Variants in CDH1 observed in about 807,000 individuals in gnomAD.
The protein encoded by CDH1 is cadherin-1.
In CDH1, 35 loss-of-function variants were observed where a neutral mutation model predicts 84.5. That is an observed-to-expected ratio of 0.41 (90% CI 0.32 to 0.55). The LOEUF is 0.55. Ranked by LOEUF, CDH1 falls within the 20% of genes least tolerant of loss-of-function variation. CDH1 has a pLI of 0.19. For missense variants in CDH1, 994 were observed against 1,126.6 expected, an observed-to-expected ratio of 0.88 and a Z score of 1.68; for synonymous variants, 417 against 439.0, an observed-to-expected ratio of 0.95 and a Z score of 0.63.
chr16:68,808,143 T>C (rs1960715992), intron 3 of CDH1, among the ~76,000 whole-genome samples: 2 of 152,144 alleles, frequency 1.3e-5, no homozygotes, highest in Non-Finnish European at 2.9e-5. Flanking sequence ...CTGAAACCAA[T>C]ACTTGTGTAT....
At chr16:68,813,663 T>A in intron 9 of CDH1, 168 bp downstream of exon 9, 1 of 775,916 alleles carries the variant, frequency 1.3e-6, no homozygotes, top group Non-Finnish European at 2.3e-6. Context: ...CCTGCTCATG[T>A]AAGAAATCAA....
Position 68,834,300 on chromosome 16 carries a change from C to T in CDH1, c.*801C>T, listed in dbSNP as rs1351136544. On this transcript the variant is annotated 3_prime_UTR_variant, in exon 16 of 16. Transcript: ENST00000261769. ...TTTTTAAGAGACAGTTTCGCTCCAT[C>T]GCCCAGGCCTGGGATGCAGTGATGT... The T allele has an allele frequency of 2.9e-5, 15 of 510,810 alleles. No individual in the cohort carries two copies. Among genetic ancestry groups the T allele is most frequent in the East Asian group, 8.7e-5 (2 of 23,108 alleles). The allele number at this position is 510,810 out of a possible 1,614,324, so 31.6% of individuals were successfully genotyped here.
chr16:68,748,219 T>C (rs1001195939), intron 2 of CDH1, among the ~76,000 whole-genome samples: 2 of 151,756 alleles, frequency 1.3e-5, no homozygotes, highest in Non-Finnish European at 2.9e-5. Context: ...TTCAAGTGAT[T>C]ATCCTGCTTC....
chr16:68,833,551 C>A lies in CDH1; in HGVS notation c.*52C>A. 6.8e-7 allele frequency: 1 copy of A among 1,470,452 alleles called. No individual in the cohort carries two copies. Among genetic ancestry groups the A allele is most frequent in the Non-Finnish European group, 9.5e-7 (1 of 1,051,176 alleles). 91.1% of individuals were successfully genotyped at this position (1,470,452 alleles called of 1,614,324 possible). A position where few individuals can be genotyped will look rare whatever the true frequency, so the allele number is the denominator to read the frequency against. ...CCCATGTGCTGGGAAATGCAGAAATCACGTTGCTGGTGGTTTTTCAGCTCC... is the reference window on the plus strand; with the variant it reads ...CCCATGTGCTGGGAAATGCAGAAATAACGTTGCTGGTGGTTTTTCAGCTCC... On this transcript the variant is annotated 3_prime_UTR_variant, in exon 16 of 16. Coordinates refer to ENST00000261769, the MANE Select transcript of CDH1 (RefSeq NM_004360.5).
intron 5 of CDH1, 117 bp downstream of exon 5, chr16:68,808,965 C>T (rs1370625945): frequency 2.2e-6 from 2 of 908,912 alleles, no homozygotes; most frequent in Non-Finnish European, 3.5e-6. Context: ...CTTAACTTGA[C>T]ACCTCTTGAC....
intron 3 of CDH1, among the ~76,000 whole-genome samples, chr16:68,807,421 G>A (rs1960694432): frequency 1.3e-5 from 2 of 152,202 alleles, no homozygotes; most frequent in Admixed American, 1.3e-4. Flanking sequence ...TGTAATCCCA[G>A]CAAATTGGGA....
In CDH1 at chr16:68,833,617, G is replaced by C; in HGVS notation, c.*118G>C. Reference sequence around the variant, plus strand: ...GTTTCTGGGGAAAAAAAAGAGACTGGTTAGTGATGCAGTTAGTATAGCTTT... The same window carrying C: ...GTTTCTGGGGAAAAAAAAGAGACTGCTTAGTGATGCAGTTAGTATAGCTTT... On this transcript the variant is annotated 3_prime_UTR_variant, in exon 16 of 16. Coordinates refer to ENST00000261769, the MANE Select transcript of CDH1 (RefSeq NM_004360.5). 1 of 773,886 alleles carries C rather than the reference G, an allele frequency of 1.3e-6. No homozygotes were observed. Among genetic ancestry groups the C allele is most frequent in the Non-Finnish European group, 2.3e-6 (1 of 437,726 alleles). 47.9% of individuals were successfully genotyped at this position (773,886 alleles called of 1,614,324 possible). A position where few individuals can be genotyped will look rare whatever the true frequency, so the allele number is the denominator to read the frequency against.
intron 13 of CDH1, among the ~76,000 whole-genome samples, 174 bp from the exon 14 acceptor site, chr16:68,828,000 C>T (rs1961364835): frequency 6.6e-6 from 1 of 152,148 alleles, no homozygotes; most frequent in Non-Finnish European, 1.5e-5. Flanking sequence ...CTGTACATAC[C>T]GACTTCAGGG....
chr16:68,778,708 G>T (rs993855782), intron 2 of CDH1, among the ~76,000 whole-genome samples: 1 of 152,088 alleles, frequency 6.6e-6, no homozygotes, highest in Admixed American at 6.6e-5. Flanking sequence ...GGCTTAAAAG[G>T]GTGTTTAAAA....
At chr16:68,790,127 T>C (rs769412423) in intron 2 of CDH1, among the ~76,000 whole-genome samples, 1 of 152,144 alleles carries the variant, frequency 6.6e-6, no homozygotes, top group Admixed American at 6.6e-5. Flanking sequence ...ATGGAAATGA[T>C]GTTAGGAGGC....
intron 2 of CDH1, among the ~76,000 whole-genome samples, chr16:68,796,774 A>G (rs890558530): frequency 3.3e-5 from 5 of 151,946 alleles, no homozygotes; most frequent in Non-Finnish European, 5.9e-5. Flanking sequence ...GAAAAAAAAA[A>G]GAATTCATTC....
rs1461392751 is a variant in CDH1, at chr16:68,828,332, G to A, written c.2295+28G>A. 2.5e-6 allele frequency: 4 copies of A among 1,612,546 alleles called. No individual in the cohort carries two copies. In the African/African-American group the frequency reaches 5.3e-5, roughly 22 times the overall value. ...GGGTTTTGAAAACCTTGGTAGCTCAGTGGTGATCTCTTTATTCGGAAGAAG... is the reference window on the plus strand; with the variant it reads ...GGGTTTTGAAAACCTTGGTAGCTCAATGGTGATCTCTTTATTCGGAAGAAG... On this transcript the variant is annotated intron_variant, in intron 14 of 15. Coordinates refer to ENST00000261769, the MANE Select transcript of CDH1 (RefSeq NM_004360.5).
intron 2 of CDH1, among the ~76,000 whole-genome samples, chr16:68,773,294 CTTTT>C (rs750916649): frequency 7.2e-6 from 1 of 138,804 alleles, no homozygotes. Flanking sequence ...AGTTATTTTC[CTTTT>C]TTTTTTTTTT....
intron 10 of CDH1, among the ~76,000 whole-genome samples, chr16:68,818,451 G>C (rs1961042171): frequency 6.6e-6 from 1 of 151,368 alleles, no homozygotes; most frequent in South Asian, 2.1e-4. Flanking sequence ...TTAACAATGA[G>C]TAAACTCAGG....
chr16:68,827,440 GA>G (rs995748008), intron 13 of CDH1, among the ~76,000 whole-genome samples: 1 of 151,436 alleles, frequency 6.6e-6, no homozygotes, highest in Non-Finnish European at 1.5e-5. Context: ...CTGCTTTAGA[GA>G]TTTTTTTTTT....
rs140076463 is a variant in CDH1 at position 68,819,619 on chromosome 16, G to C, written c.1711+194G>C. On this transcript the variant is annotated intron_variant, in intron 11 of 15. Coordinates refer to ENST00000261769, the MANE Select transcript of CDH1 (RefSeq NM_004360.5). The stretch of plus-strand genomic sequence containing the variant: ...ATAGATGTGTAGTGGTAAAGTCAGG[G>C]CTTTTAGGGTATCCGTCACCCAAAT... Among the ~76,000 whole-genome samples, 18 of 152,208 alleles carry C rather than the reference G, an allele frequency of 1.2e-4. No homozygotes were observed. In the East Asian group the frequency reaches 3.3e-3, roughly 28 times the overall value.
intron 13 of CDH1, among the ~76,000 whole-genome samples, chr16:68,824,370 G>A (rs1961263459): frequency 6.6e-6 from 1 of 152,148 alleles, no homozygotes; most frequent in Admixed American, 6.5e-5. Context: ...AGAGTAGCAA[G>A]ACCTTGGGGG....
At chr16:68,811,519 T>C (rs1407643475) in intron 6 of CDH1, among the ~76,000 whole-genome samples, 165 bp from the exon 7 acceptor site, 1 of 152,120 alleles carries the variant, frequency 6.6e-6, no homozygotes, top group East Asian at 1.9e-4. Flanking sequence ...TGAGCTTTCT[T>C]TCTCCCCTAG....
Position 68,834,365 on chromosome 16 carries a change from C to A in CDH1, c.*866C>A. 2.2e-6 allele frequency: 1 copy of A among 458,062 alleles called. No homozygotes were observed. The highest frequency in any genetic ancestry group is 4.3e-6 in the Non-Finnish European group (1 of 233,352). 28.4% of individuals were successfully genotyped at this position (458,062 alleles called of 1,614,324 possible). A position where few individuals can be genotyped will look rare whatever the true frequency, so the allele number is the denominator to read the frequency against. On this transcript the variant is annotated 3_prime_UTR_variant, in exon 16 of 16. Coordinates refer to ENST00000261769, the MANE Select transcript of CDH1 (RefSeq NM_004360.5). The stretch of plus-strand genomic sequence containing the variant: ...GTAACCTCAAACTCTGGGGCTCAAG[C>A]AGTTCTCCCACCAGCCTCCTTTTTA...
Sources: gnomAD v4.1 joint callset for allele counts (sites outside exome capture counted in the v4.1 genomes callset) on GRCh38, gnomAD v4.1.1 for gene constraint, MANE v1.5 for transcripts, NCBI Gene and HGNC (gene_info 2026-07-23, HGNC 2026-07-21) for gene names.